The following CDC42BPG variants were observed in gnomAD, a reference collection of about 807,000 sequenced individuals.
CDC42BPG encodes the protein CDC42 binding protein kinase gamma.
In CDC42BPG, 157 loss-of-function variants were observed where a neutral mutation model predicts 192.2. The observed-to-expected ratio is 0.82, with a 90% confidence interval of 0.72 to 0.93. The LOEUF (loss-of-function observed/expected upper bound fraction) is 0.93, where lower values mean the gene tolerates loss of function less well. CDC42BPG is among the 40% of genes least tolerant of loss of function. The probability of loss-of-function intolerance (pLI) is 0.00; values close to 1 mark genes in which losing one functional copy is unlikely to be tolerated. For synonymous variants in CDC42BPG, 981 were observed against 918.5 expected, an observed-to-expected ratio of 1.07 and a Z score of -1.23; for missense variants, 1,992 against 2,122.1, an observed-to-expected ratio of 0.94 and a Z score of 1.20.
chr11:64,834,787 T>C, intron 18 of CDC42BPG, 62 bp downstream of exon 18: 1 of 1,492,692 alleles, frequency 6.7e-7, no homozygotes, highest in Non-Finnish European at 9.2e-7. Flanking sequence ...GCAGGGATGC[T>C]GAGCTCACGG....
At chr11:64,830,578 G>C in intron 28 of CDC42BPG, 1 of 452,308 alleles carries the variant, frequency 2.2e-6, no homozygotes, top group Non-Finnish European at 4.1e-6. Context: ...GTGATGCAGG[G>C]GAGGGTTCAG....
In CDC42BPG at chr11:64,838,801, A is replaced by G. The variant is rs1002228111; in HGVS notation, c.978T>C (p.Gly326=). ...GATGGTTCCGGAAGTCATCCAGCCCACCACGGCCTAGCCGCTCTTCCTGGC... is the reference window on the plus strand; with the variant it reads ...GATGGTTCCGGAAGTCATCCAGCCCGCCACGGCCTAGCCGCTCTTCCTGGC... ...LCRQEERLGR[G]GLDDFRNHPF... Residue 326 remains glycine (G), a synonymous_variant, in exon 8 of 37, where the codon GGT becomes GGC. Transcript: ENST00000342711. The G allele has an allele frequency of 6.2e-7, 1 of 1,612,192 alleles. No individual in the cohort carries two copies. The highest frequency in any genetic ancestry group is 8.5e-7 in the Non-Finnish European group (1 of 1,179,968).
At chr11:64,827,242 C>A (rs998082687) in intron 33 of CDC42BPG, 36 bp downstream of exon 33, 1 of 1,612,984 alleles carries the variant, frequency 6.2e-7, no homozygotes, top group Non-Finnish European at 8.5e-7. Context: ...GGAGGCGGCC[C>A]CACCCAGCCT....
Position 64,827,686 on chromosome 11 carries a change from C to T in CDC42BPG, c.4065G>A (p.Lys1355=). Residue 1355 remains lysine (K), a splice_region_variant and synonymous_variant, in exon 31 of 37, where the codon AAG becomes AAA. Transcript: ENST00000342711. The stretch of plus-strand genomic sequence containing the variant: ...CCCCAGGGCTCTGGCGGACCCTCAC[C>T]TTCTTGAGCGGCACGGTCTGCACCC... ...AEWVQTVPLK[K]VRPLNPEGSL... is the part of the protein sequence containing the mutation. 1 of 1,610,230 alleles carries T rather than the reference C, an allele frequency of 6.2e-7. No homozygotes were observed. Among genetic ancestry groups the T allele is most frequent in the South Asian group, 1.1e-5 (1 of 90,812 alleles).
chr11:64,840,352 A>G (rs1235618045), intron 4 of CDC42BPG, 84 bp from the exon 5 acceptor site: 9 of 1,540,110 alleles, frequency 5.8e-6, no homozygotes, highest in Non-Finnish European at 7.9e-6. Flanking sequence ...CTGGGAAGGC[A>G]GGCCTGCATC....
At chr11:64,837,553 C>T (rs1267885543) in intron 9 of CDC42BPG, among the ~76,000 whole-genome samples, 1 of 152,246 alleles carries the variant, frequency 6.6e-6, no homozygotes, top group Non-Finnish European at 1.5e-5. Flanking sequence ...CTCCGCCTCC[C>T]GCGTTCAAGC....
At chr11:64,840,322 C>T (rs1943224243) in intron 4 of CDC42BPG, 54 bp from the exon 5 acceptor site, 1 of 1,588,892 alleles carries the variant, frequency 6.3e-7, no homozygotes, top group Non-Finnish European at 8.5e-7. Context: ...CTGGCCACTT[C>T]ACCGCGGTCC....
intron 24 of CDC42BPG, 103 bp downstream of exon 24, chr11:64,833,128 G>A (rs1026783316): frequency 1.6e-6 from 2 of 1,266,606 alleles, no homozygotes; most frequent in Admixed American, 2.1e-5. Flanking sequence ...GAGGAAATTT[G>A]ACCAGCAGGT....
chr11:64,826,884 C>T (rs1942447448), intron 34 of CDC42BPG, 90 bp from the exon 35 acceptor site: 1 of 1,362,844 alleles, frequency 7.3e-7, no homozygotes, highest in African/African-American at 1.5e-5. Flanking sequence ...AAATGAACGC[C>T]ACTGGGCCCC....
intron 9 of CDC42BPG, among the ~76,000 whole-genome samples, chr11:64,837,358 G>T (rs1565692052): frequency 6.6e-6 from 1 of 152,198 alleles, no homozygotes; most frequent in Non-Finnish European, 1.5e-5. Flanking sequence ...TGGCCCGGCT[G>T]GTCTAGAGGA....
At chr11:64,826,061 C>T (rs1468434387) in intron 36 of CDC42BPG, among the ~76,000 whole-genome samples, 3 of 45,326 alleles carry the variant, frequency 6.6e-5, no homozygotes, top group South Asian at 1.4e-3. Context: ...AGTGAGACTC[C>T]ATCTGGAAAA....
chr11:64,824,454 T>C lies in CDC42BPG; in HGVS notation c.*19A>G. 1 of 1,519,580 alleles carries C rather than the reference T, an allele frequency of 6.6e-7. No individual in the cohort carries two copies. The highest frequency in any genetic ancestry group is 1.1e-5 in the South Asian group (1 of 89,500). The allele number at this position is 1,519,580 out of a possible 1,614,324, so 94.1% of individuals were successfully genotyped here. A position where few individuals can be genotyped will look rare whatever the true frequency, so the allele number is the denominator to read the frequency against. ...ATGTCCTTCTGCCCTGGGATTGGGG[T>C]GGGCCCTAACAGAGGGCATCAAGGA... On this transcript the variant is annotated 3_prime_UTR_variant, in exon 37 of 37. Coordinates refer to ENST00000342711, the MANE Select transcript of CDC42BPG (RefSeq NM_017525.3).
At chr11:64,828,875 C>T (rs1373018281) in intron 30 of CDC42BPG, among the ~76,000 whole-genome samples, 2 of 152,172 alleles carry the variant, frequency 1.3e-5, no homozygotes, top group East Asian at 3.9e-4. Context: ...CATGGTGAAA[C>T]CCCGTCTCCA....
chr11:64,837,254 C>T (rs1314932524), intron 9 of CDC42BPG, among the ~76,000 whole-genome samples: 7 of 152,326 alleles, frequency 4.6e-5, no homozygotes, highest in Middle Eastern at 3.4e-3. Context: ...TGTATCACCT[C>T]GAACCCAATG....
At position 64,841,849 on chromosome 11, in the gene CDC42BPG, C is replaced by T. The variant is rs760029833; in HGVS notation, c.216G>A (p.Glu72=). ...KELRLQRDDF[E]ILKVIGRGAF... ...CTCCTCGGCCGATCACCTTCAAGATCTCAAAGTCATCTCTCTGCAGACGCA... is the reference window on the plus strand; with the variant it reads ...CTCCTCGGCCGATCACCTTCAAGATTTCAAAGTCATCTCTCTGCAGACGCA... The change falls in exon 2 of 37, where the codon GAG becomes GAA. Residue 72 remains glutamate, a synonymous_variant. Coordinates refer to ENST00000342711, the MANE Select transcript of CDC42BPG (RefSeq NM_017525.3). 2 of 1,614,020 alleles carry T rather than the reference C, an allele frequency of 1.2e-6. No individual in the cohort carries two copies. Among genetic ancestry groups the T allele is most frequent in the African/African-American group, 1.3e-5 (1 of 75,068 alleles).
At chr11:64,826,947 A>C in intron 34 of CDC42BPG, 103 bp downstream of exon 34, 1 of 1,156,180 alleles carries the variant, frequency 8.6e-7, no homozygotes, top group Non-Finnish European at 1.3e-6. Context: ...CCCAGGCCTT[A>C]GGAGTAATTA....
Position 64,840,093 on chromosome 11 carries a change from G to T in CDC42BPG, c.581+27C>A, listed in dbSNP as rs934063584. On this transcript the variant is annotated intron_variant, in intron 5 of 36. Transcript: ENST00000342711. Reference sequence around the variant, plus strand: ...GGGGTTGGGCAGGGCAGCGGGGTTGGGCAGGGCAGCGGGGTTGGGGCCCCA... The same window carrying T: ...GGGGTTGGGCAGGGCAGCGGGGTTGTGCAGGGCAGCGGGGTTGGGGCCCCA... 3.7e-6 allele frequency: 6 copies of T among 1,601,698 alleles called. No individual in the cohort carries two copies. In the South Asian group the frequency reaches 5.6e-5, roughly 15 times the overall value.
intron 30 of CDC42BPG, among the ~76,000 whole-genome samples, chr11:64,828,487 A>G (rs1775841052): frequency 6.6e-6 from 1 of 152,188 alleles, no homozygotes. Context: ...AAAGAGAAGG[A>G]AAGGACCAAT....
Position 64,824,275 on chromosome 11 carries a change from G to A in CDC42BPG, c.*198C>T, listed in dbSNP as rs1592676042. The A allele has an allele frequency of 1.5e-6, 1 of 660,246 alleles. No homozygotes were observed. The highest frequency in any genetic ancestry group is 2.7e-5 in the East Asian group (1 of 36,798). 40.9% of individuals were successfully genotyped at this position (660,246 alleles called of 1,614,324 possible). A position where few individuals can be genotyped will look rare whatever the true frequency, so the allele number is the denominator to read the frequency against. ...AAAGGCTGGGGCTGGGAACAGAGGG[G>A]TAAGGCAGGATGAGGGCTGGGAGTC... is the stretch of plus-strand genomic sequence containing the variant. On this transcript the variant is annotated 3_prime_UTR_variant, in exon 37 of 37. Transcript: ENST00000342711.
Sources: gnomAD v4.1 joint callset for allele counts (sites outside exome capture counted in the v4.1 genomes callset) on GRCh38, gnomAD v4.1.1 for gene constraint, MANE v1.5 for transcripts, NCBI Gene and HGNC (gene_info 2026-07-23, HGNC 2026-07-21) for gene names.